The following CPQ variants were observed in gnomAD, a reference collection of about 807,000 sequenced individuals.
The protein encoded by CPQ is Ser-Met dipeptidase.
CPQ carries 37 observed loss-of-function variants against 45.7 expected under a neutral mutation model. That is an observed-to-expected ratio of 0.81 (90% CI 0.62 to 1.07). The LOEUF is 1.07. Among genes scored for constraint, CPQ ranks in the 50% least tolerant of loss-of-function variants. The pLI is 0.00. For synonymous variants in CPQ, 186 were observed against 205.8 expected (o/e 0.90, Z 0.82); for missense variants, 537 against 572.9 (o/e 0.94, Z 0.64).
At chr8:97,050,746 C>T (rs1196351011) in intron 6 of CPQ, among the ~76,000 whole-genome samples, 1 of 152,074 alleles carries the variant, frequency 6.6e-6, no homozygotes, top group African/African-American at 2.4e-5. Context: ...TCCTGATTTG[C>T]TTGAGAGTCC....
At chr8:96,723,728 GA>G (rs1426698598) in intron 1 of CPQ, among the ~76,000 whole-genome samples, 4 of 152,060 alleles carry the variant, frequency 2.6e-5, no homozygotes, top group African/African-American at 9.7e-5. Flanking sequence ...ATTTTACTAT[GA>G]TTTAGTAGAT....
intron 7 of CPQ, among the ~76,000 whole-genome samples, chr8:97,066,808 T>A (rs918137736): frequency 6.6e-6 from 1 of 151,692 alleles, no homozygotes; most frequent in African/African-American, 2.4e-5. Context: ...CATGTGAATA[T>A]CCTGAAGAGA....
chr8:96,756,948 A>C (rs1426141538), intron 1 of CPQ, among the ~76,000 whole-genome samples: 1 of 152,028 alleles, frequency 6.6e-6, no homozygotes, highest in African/African-American at 2.4e-5. Flanking sequence ...TTTTTTCCAT[A>C]AAGGGTGCAT....
intron 5 of CPQ, among the ~76,000 whole-genome samples, chr8:97,000,419 C>G (rs552923632): frequency 6.6e-6 from 1 of 151,714 alleles, no homozygotes; most frequent in Non-Finnish European, 1.5e-5. Flanking sequence ...TTTTCATATA[C>G]GGTATAAGGA....
intron 1 of CPQ, among the ~76,000 whole-genome samples, chr8:96,714,151 C>A (rs1395932774): frequency 2.0e-5 from 3 of 152,106 alleles, no homozygotes; most frequent in Non-Finnish European, 4.4e-5. Flanking sequence ...CTTAGGAGTT[C>A]TTTGAGATTC....
rs541782945 is a variant in CPQ, at chr8:96,883,852, C to CG, written c.849+3847_849+3848insG. Among the ~76,000 whole-genome samples, 472 of 152,344 alleles carry CG rather than the reference C, an allele frequency of 3.1e-3. 2 individuals are homozygous for CG. Among genetic ancestry groups the CG allele is most frequent in the Non-Finnish European group, 4.9e-3 (330 of 68,020 alleles). ...CCTGAGAGCAGGCACTCTGTTCACT[C>CG]TATTTCCTTTCTTTTCCTTTTTCCC... On this transcript the variant is annotated intron_variant, in intron 4 of 7. Transcript: ENST00000220763.
At chr8:96,784,459 G>T (rs1392709666) in intron 1 of CPQ, among the ~76,000 whole-genome samples, 1 of 151,966 alleles carries the variant, frequency 6.6e-6, no homozygotes. Context: ...CTCAATGGAG[G>T]AGTCTGACAG....
chr8:96,846,363 A>T (rs776134221), intron 3 of CPQ, among the ~76,000 whole-genome samples: 1 of 152,154 alleles, frequency 6.6e-6, no homozygotes, highest in Non-Finnish European at 1.5e-5. Flanking sequence ...AGTTCTTTAT[A>T]TAATTTAGAT....
chr8:96,960,800 ACTT>A (rs1373819071), intron 4 of CPQ, among the ~76,000 whole-genome samples: 1 of 151,954 alleles, frequency 6.6e-6, no homozygotes, highest in Non-Finnish European at 1.5e-5. Flanking sequence ...ATAATCTTCT[ACTT>A]CTTTTGTCTT....
At chr8:96,946,124 G>C (rs1404487615) in intron 4 of CPQ, among the ~76,000 whole-genome samples, 1 of 152,090 alleles carries the variant, frequency 6.6e-6, no homozygotes, top group East Asian at 1.9e-4. Context: ...TGGTTATCCA[G>C]CTCCTCTTGC....
intron 7 of CPQ, among the ~76,000 whole-genome samples, chr8:97,100,244 A>C (rs1811279537): frequency 6.6e-6 from 1 of 152,236 alleles, no homozygotes; most frequent in Non-Finnish European, 1.5e-5. Context: ...ATGGAGATCC[A>C]ACAGCATAGA....
intron 2 of CPQ, among the ~76,000 whole-genome samples, chr8:96,834,529 T>G (rs1377192064): frequency 6.6e-6 from 1 of 152,138 alleles, no homozygotes; most frequent in Non-Finnish European, 1.5e-5. Context: ...TGTATGATGT[T>G]GTTGTAGGTT....
intron 6 of CPQ, among the ~76,000 whole-genome samples, chr8:97,062,014 CCTT>C (rs1259547297): frequency 3.3e-5 from 5 of 152,094 alleles, no homozygotes; most frequent in Non-Finnish European, 5.9e-5. Context: ...ACCTTTGAAA[CCTT>C]CTTTATTTAC....
intron 1 of CPQ, among the ~76,000 whole-genome samples, chr8:96,657,674 A>T (rs754487080): frequency 6.6e-6 from 1 of 152,246 alleles, no homozygotes; most frequent in African/African-American, 2.4e-5. Context: ...TGTAAAAAAC[A>T]AAACAAAACA....
At chr8:96,699,916 A>C (rs138378617) in intron 1 of CPQ, among the ~76,000 whole-genome samples, 1 of 152,186 alleles carries the variant, frequency 6.6e-6, no homozygotes, top group African/African-American at 2.4e-5. Flanking sequence ...AGGAGAAAGA[A>C]GATGACATTG....
intron 1 of CPQ, among the ~76,000 whole-genome samples, chr8:96,755,958 G>A (rs1023897849): frequency 6.6e-6 from 1 of 151,892 alleles, no homozygotes; most frequent in Non-Finnish European, 1.5e-5. Context: ...CAAATTAGAA[G>A]TAAAATTTTT....
At chr8:96,923,744 C>G (rs1812838723) in intron 4 of CPQ, among the ~76,000 whole-genome samples, 2 of 151,730 alleles carry the variant, frequency 1.3e-5, no homozygotes, top group Admixed American at 6.6e-5. Context: ...GAATTGGGAG[C>G]AAGTAGTTTA....
At chr8:96,922,463 G>T (rs1236888689) in intron 4 of CPQ, among the ~76,000 whole-genome samples, 1 of 152,162 alleles carries the variant, frequency 6.6e-6, no homozygotes, top group Non-Finnish European at 1.5e-5. Flanking sequence ...CCCCTAATTT[G>T]TTTCTCTCTT....
Position 96,732,966 on chromosome 8 carries a change from A to G in CPQ, c.-34-51898A>G, listed in dbSNP as rs145644431. ...GAAAGAATGTGATAAAGGTAGTTCTAATCAAGGTATATGTGAGAGACTAAT... is the reference window on the plus strand; with the variant it reads ...GAAAGAATGTGATAAAGGTAGTTCTGATCAAGGTATATGTGAGAGACTAAT... On this transcript the variant is annotated intron_variant, in intron 1 of 7. Coordinates refer to ENST00000220763, the MANE Select transcript of CPQ (RefSeq NM_016134.4). Among the ~76,000 whole-genome samples, 908 of 152,330 alleles carry G rather than the reference A, an allele frequency of 6.0e-3. 16 individuals are homozygous for G. The highest frequency in any genetic ancestry group is 0.016 in the African/African-American group (656 of 41,568).
Sources: allele counts gnomAD v4.1 joint callset (sites outside exome capture counted in the v4.1 genomes callset), GRCh38; gene constraint gnomAD v4.1.1; transcripts MANE v1.5; gene names NCBI Gene and HGNC (gene_info 2026-07-23, HGNC 2026-07-21).